The following MAPK8IP3 variants were observed in gnomAD, a reference collection of about 807,000 sequenced individuals.
The protein encoded by MAPK8IP3 is mitogen-activated protein kinase 8 interacting protein 3.
In MAPK8IP3, 49 loss-of-function variants were observed where a neutral mutation model predicts 157.8. The ratio of observed to expected loss-of-function variants is 0.31; its 90% CI spans 0.25 to 0.39. The LOEUF (loss-of-function observed/expected upper bound fraction) is 0.39. MAPK8IP3 is among the 10% of genes least tolerant of loss of function. The pLI, the probability that MAPK8IP3 is intolerant of heterozygous loss-of-function variation, is 1.00. For missense variants in MAPK8IP3, 1,478 were observed against 1,889.4 expected (o/e 0.78, Z 4.04); for synonymous variants, 897 against 777.7 (o/e 1.15, Z -2.55).
At chr16:1,731,482 C>A (rs991412532) in intron 4 of MAPK8IP3, among the ~76,000 whole-genome samples, 18 of 152,298 alleles carry the variant, frequency 1.2e-4, no homozygotes, top group African/African-American at 4.1e-4. Context: ...CCCAGATGCC[C>A]GGAGAGGAGA....
intron 1 of MAPK8IP3, among the ~76,000 whole-genome samples, chr16:1,717,079 T>C (rs1015862479): frequency 2.0e-5 from 3 of 149,908 alleles, no homozygotes; most frequent in African/African-American, 7.4e-5. Context: ...AAAATAAAAA[T>C]TAGCCAGGTG....
intron 4 of MAPK8IP3, among the ~76,000 whole-genome samples, chr16:1,737,638 ATCCGTGTGACTGTCCGTGTGAGCG>A (rs1399464743): frequency 1.5e-4 from 9 of 60,668 alleles, no homozygotes; most frequent in African/African-American, 4.9e-4. Flanking sequence ...CCATGTGAGC[ATCCGTGTGACTGTCCGTGTGAGCG>A]TCCGTGTGAG....
chr16:1,743,989 C>T lies in MAPK8IP3; in HGVS notation c.747+513C>T. 1.0e-6 allele frequency: 1 copy of T among 997,176 alleles called. No homozygotes were observed. The allele number at this position is 997,176 out of a possible 1,614,324, so 61.8% of individuals were successfully genotyped here. A position where few individuals can be genotyped will look rare whatever the true frequency, so the allele number is the denominator to read the frequency against. On this transcript the variant is annotated intron_variant, in intron 5 of 31. Coordinates refer to ENST00000610761, the MANE Select transcript of MAPK8IP3 (RefSeq NM_001318852.2). This position sits in a 1 kb window ranked among gnomAD's most constrained non-coding sequence, Gnocchi z 5.6. ...CCCTCCCTGCCTGTCCCTGGTAACG[C>T]CTCCTGGGTCCTGAGTTTGAGAAAG...
rs2042277280 is a variant in MAPK8IP3, at chr16:1,766,613, T to A, written c.2904T>A (p.Ala968=). Residue 968 remains alanine, a synonymous_variant, in exon 23 of 32, where the codon GCT becomes GCA. Coordinates refer to ENST00000610761, the MANE Select transcript of MAPK8IP3 (RefSeq NM_001318852.2). ...SGDPTGAGSS[A]APTMWLGAQN... is the part of the protein sequence containing the mutation. The stretch of plus-strand genomic sequence containing the variant: ...ACCCCACGGGAGCAGGCAGCAGTGC[T>A]GCACCCACCATGTGGCTGGGAGCCC... 3 of 1,612,332 alleles carry A rather than the reference T, an allele frequency of 1.9e-6. No homozygotes were observed. In the South Asian group the frequency reaches 3.3e-5, roughly 18 times the overall value.
chr16:1,738,101 TCC>T (rs1418767814), intron 4 of MAPK8IP3, among the ~76,000 whole-genome samples: 2 of 90,674 alleles, frequency 2.2e-5, no homozygotes, highest in Admixed American at 1.2e-4. Flanking sequence ...CATGTGAGCA[TCC>T]ATGTGACCGT....
chr16:1,741,819 C>T lies in MAPK8IP3; in HGVS notation c.603-1513C>T, dbSNP rs916807861. ...CAGTCCCAGCCGGCCCTGGTTCCCT[C>T]GTGCTACAGGATACGGTGTTGTCCT... On this transcript the variant is annotated intron_variant, in intron 4 of 31. Coordinates refer to ENST00000610761, the MANE Select transcript of MAPK8IP3 (RefSeq NM_001318852.2). The surrounding 1 kb of genome is among the most constrained non-coding windows in gnomAD (Gnocchi z 6.9). Among the ~76,000 whole-genome samples, 3 of 152,122 alleles carry T rather than the reference C, an allele frequency of 2.0e-5. No homozygotes were observed. The highest frequency in any genetic ancestry group is 2.1e-4 in the South Asian group (1 of 4,832).
At position 1,739,582 on chromosome 16, in the gene MAPK8IP3, G is replaced by A. The variant is rs565927288; in HGVS notation, c.603-3750G>A. 4.9e-4 allele frequency among the ~76,000 whole-genome samples: 65 copies of A among 132,012 alleles called. 2 individuals are homozygous for A. The highest frequency in any genetic ancestry group is 1.8e-3 in the African/African-American group (58 of 33,008). The allele number at this position is 132,012 out of a possible 152,430, so 86.6% of individuals were successfully genotyped here. On this transcript the variant is annotated intron_variant, in intron 4 of 31. Transcript: ENST00000610761. ...TGTGACCGTTCGTGTGTGTGTGACC[G>A]TCCGTGTGTGACCGTCCGTGTGAGC...
rs1006768329 is a variant in MAPK8IP3, at chr16:1,741,561, G to A, written c.603-1771G>A. ...TCGGTCTAGGGACTGAGACGTGTCTGATGGCGTCAGAACTGGGCCTCAGCA... is the reference window on the plus strand; with the variant it reads ...TCGGTCTAGGGACTGAGACGTGTCTAATGGCGTCAGAACTGGGCCTCAGCA... On this transcript the variant is annotated intron_variant, in intron 4 of 31. Transcript: ENST00000610761. This position sits in a 1 kb window ranked among gnomAD's most constrained non-coding sequence, Gnocchi z 6.9. Among the ~76,000 whole-genome samples the A allele has an allele frequency of 2.6e-5, 4 of 152,156 alleles. No homozygotes were observed. Among genetic ancestry groups the A allele is most frequent in the African/African-American group, 7.2e-5 (3 of 41,426 alleles).
intron 4 of MAPK8IP3, among the ~76,000 whole-genome samples, chr16:1,736,715 CGTGTG>C (rs2039896991): frequency 3.7e-5 from 2 of 53,406 alleles, no homozygotes; most frequent in African/African-American, 8.3e-5. Flanking sequence ...TCCGTGTGAG[CGTGTG>C]ACCGTCCGTG....
Position 1,706,348 on chromosome 16 carries a change from G to A in MAPK8IP3, c.9G>A (p.Glu3=), listed in dbSNP as rs139282045. The part of the protein sequence containing the change: MM[E]IQMDEGGGVV... ...CGGCGGCGGTGGCCGCGATGATGGA[G>A]ATCCAGATGGACGAGGGCGGCGGCG... Residue 3 remains glutamate (E), a synonymous_variant, in exon 1 of 32, where the codon GAG becomes GAA. Transcript: ENST00000610761. This position sits in a 1 kb window ranked among gnomAD's most constrained non-coding sequence, Gnocchi z 5.1. The A allele has an allele frequency of 7.0e-3, 11,098 of 1,586,738 alleles. 61 individuals are homozygous for A. Among genetic ancestry groups the A allele is most frequent in the Non-Finnish European group, 8.7e-3 (10,136 of 1,167,660 alleles).
intron 5 of MAPK8IP3, chr16:1,744,901 G>C (rs995359468): frequency 7.3e-6 from 7 of 964,694 alleles, no homozygotes; most frequent in African/African-American, 1.8e-5. Context: ...TCTAGGTTTT[G>C]AAGTTTTTCT....
intron 6 of MAPK8IP3, 80 bp from the exon 7 acceptor site, chr16:1,748,164 A>G (rs943048919): frequency 2.9e-6 from 3 of 1,047,726 alleles, no homozygotes; most frequent in Non-Finnish European, 4.5e-6. Flanking sequence ...CACCAGACTC[A>G]GGTTCCGAGG....
chr16:1,751,194 G>GCCCGTAATC lies in MAPK8IP3; in HGVS notation c.1216+2477_1216+2485dup, dbSNP rs1409698794. 2.0e-5 allele frequency among the ~76,000 whole-genome samples: 3 copies of GCCCGTAATC among 151,940 alleles called. No individual in the cohort carries two copies. Among genetic ancestry groups the GCCCGTAATC allele is most frequent in the Non-Finnish European group, 2.9e-5 (2 of 67,996 alleles). On this transcript the variant is annotated intron_variant, in intron 8 of 31. Transcript: ENST00000610761. The surrounding 1 kb of genome is among the most constrained non-coding windows in gnomAD (Gnocchi z 5.0). ...ACTGAGGCCGGGCACAGTGGCTCAT[G>GCCCGTAATC]CCCGTAATCCCAGCACTTTGGGAGG...
At chr16:1,758,202 G>C (rs2041729166) in intron 9 of MAPK8IP3, 43 bp downstream of exon 9, 3 of 1,610,366 alleles carry the variant, frequency 1.9e-6, no homozygotes, top group South Asian at 2.2e-5. Flanking sequence ...CTGTGTGACG[G>C]GGGGAGTGGG....
intron 8 of MAPK8IP3, among the ~76,000 whole-genome samples, chr16:1,753,285 C>T (rs781146629): frequency 2.0e-5 from 3 of 152,006 alleles, no homozygotes; most frequent in Admixed American, 6.6e-5. Context: ...TTTGTTTGTT[C>T]GTTCGTTTGT....
intron 8 of MAPK8IP3, among the ~76,000 whole-genome samples, chr16:1,757,869 G>A (rs1225610064): frequency 2.6e-5 from 4 of 152,188 alleles, no homozygotes; most frequent in Admixed American, 2.0e-4. Flanking sequence ...CCTGATGGGC[G>A]ATGGGAGCAG....
intron 2 of MAPK8IP3, among the ~76,000 whole-genome samples, chr16:1,725,983 C>T (rs187253942): frequency 6.6e-6 from 1 of 152,330 alleles, no homozygotes. Flanking sequence ...CGCGCCTGGC[C>T]CCAGATGTTT....
At position 1,767,660 on chromosome 16, in the gene MAPK8IP3, C is replaced by T. The variant is rs770792651; in HGVS notation, c.3334C>T (p.Leu1112=). The T allele has an allele frequency of 6.2e-6, 10 of 1,612,802 alleles. No homozygotes were observed. Among genetic ancestry groups the T allele is most frequent in the Non-Finnish European group, 7.6e-6 (9 of 1,179,986 alleles). Residue 1112 remains leucine, a synonymous_variant, in exon 27 of 32, where the codon CTG becomes TTG. Transcript: ENST00000610761. ...VWVSIRLDST[L]RLYHAHTHQH... ...GGTGTCCATCCGCCTGGACTCCACCCTGAGGCTCTACCATGCACACACGCA... is the reference window on the plus strand; with the variant it reads ...GGTGTCCATCCGCCTGGACTCCACCTTGAGGCTCTACCATGCACACACGCA...
chr16:1,730,640 G>A (rs747423622), intron 4 of MAPK8IP3, among the ~76,000 whole-genome samples: 5 of 152,044 alleles, frequency 3.3e-5, no homozygotes, highest in African/African-American at 1.2e-4. Flanking sequence ...TCAGGAGATC[G>A]AGACCATCCT....
Sources: allele counts gnomAD v4.1 joint callset (sites outside exome capture counted in the v4.1 genomes callset), GRCh38; gene constraint gnomAD v4.1.1; non-coding constraint Gnocchi (gnomAD v3.1); transcripts MANE v1.5; gene names NCBI Gene and HGNC (gene_info 2026-07-23, HGNC 2026-07-21).